The following CTNNA2 variants were observed in gnomAD, a reference collection of about 807,000 sequenced individuals.
CTNNA2 encodes the protein catenin alpha-2.
CTNNA2 carries 42 observed loss-of-function variants against 101.0 expected under a neutral mutation model. The observed-to-expected ratio is 0.42, with a 90% confidence interval of 0.32 to 0.54. CTNNA2 has a LOEUF of 0.54. CTNNA2 is among the 20% of genes least tolerant of loss of function. The probability of loss-of-function intolerance (pLI) is 0.14; values close to 1 mark genes in which losing one functional copy is unlikely to be tolerated. For missense variants in CTNNA2, 871 were observed against 1,223.1 expected (o/e 0.71, Z 4.29); for synonymous variants, 450 against 456.4 (o/e 0.99, Z 0.18).
chr2:80,237,413 C>T (rs545690508), intron 7 of CTNNA2, among the ~76,000 whole-genome samples: 9 of 152,154 alleles, frequency 5.9e-5, no homozygotes, highest in East Asian at 5.8e-4. Context: ...TTTCAACTTA[C>T]GATGGGTGTA....
At position 80,024,539 on chromosome 2, in the gene CTNNA2, A is replaced by G. The variant is rs538816836; in HGVS notation, c.1056+114742A>G. On this transcript the variant is annotated intron_variant, in intron 7 of 18. Coordinates refer to ENST00000402739, the MANE Select transcript of CTNNA2 (RefSeq NM_001282597.3). ...CTGAAGGCTCATTTGCTTAGCCTGC[A>G]GCTCTGAACCCCTCATGGGAGGGGA... Among the ~76,000 whole-genome samples the G allele has an allele frequency of 7.9e-5, 12 of 152,318 alleles. No individual in the cohort carries two copies. In the East Asian group the frequency reaches 2.3e-3, roughly 29 times the overall value.
intron 12 of CTNNA2, among the ~76,000 whole-genome samples, chr2:80,560,583 C>G (rs1033832713): frequency 2.0e-5 from 3 of 152,106 alleles, no homozygotes; most frequent in Non-Finnish European, 4.4e-5. Flanking sequence ...CCTGTATAAA[C>G]CCTCTGCACC....
chr2:79,536,944 C>T lies in CTNNA2; in HGVS notation c.-6+23737C>T, dbSNP rs187309263. 8.5e-5 allele frequency among the ~76,000 whole-genome samples: 13 copies of T among 152,192 alleles called. No homozygotes were observed. The East Asian group carries it at 1.7e-3, about 20-fold the overall frequency. The stretch of plus-strand genomic sequence containing the variant: ...CTCGAACTCCTGAGCTCGGACAATC[C>T]GCCCACCTCCGCCTCCCCATGGATT... On this transcript the variant is annotated intron_variant, in intron 1 of 18. Coordinates refer to ENST00000402739, the MANE Select transcript of CTNNA2 (RefSeq NM_001282597.3).
At chr2:80,121,445 A>G (rs530036833) in intron 7 of CTNNA2, among the ~76,000 whole-genome samples, 4 of 152,310 alleles carry the variant, frequency 2.6e-5, no homozygotes, top group Admixed American at 6.5e-5. Context: ...AATCTAAGAG[A>G]TTAGTATTAA....
chr2:79,640,072 G>A (rs889292544), intron 1 of CTNNA2, among the ~76,000 whole-genome samples: 1 of 152,028 alleles, frequency 6.6e-6, no homozygotes, highest in Non-Finnish European at 1.5e-5. Context: ...GAAGATCTCT[G>A]TTCCTGAATG....
rs565047909 is a variant in CTNNA2 at position 80,211,982 on chromosome 2, A to G, written c.1057-181229A>G. Among the ~76,000 whole-genome samples the G allele has an allele frequency of 8.5e-5, 13 of 152,146 alleles. No individual in the cohort carries two copies. In the South Asian group the frequency reaches 2.1e-3, roughly 24 times the overall value. ...GTATTTTATTCTCTTTGTAGCAATT[A>G]TGAATGGGAGTTCACTCATGATTTG... is the stretch of plus-strand genomic sequence containing the variant. On this transcript the variant is annotated intron_variant, in intron 7 of 18. Coordinates refer to ENST00000402739, the MANE Select transcript of CTNNA2 (RefSeq NM_001282597.3).
intron 2 of CTNNA2, among the ~76,000 whole-genome samples, chr2:79,228,802 G>A (rs1404895042): frequency 6.6e-6 from 1 of 151,846 alleles, no homozygotes; most frequent in African/African-American, 2.4e-5. Context: ...TTGCTTTTGA[G>A]GACTTAGCCA....
rs13423370 is a variant in CTNNA2, at chr2:79,580,411, A to G, written c.-6+67204A>G. Among the ~76,000 whole-genome samples, 674 of 152,314 alleles carry G rather than the reference A, an allele frequency of 4.4e-3. 10 individuals carry two copies. The highest frequency in any genetic ancestry group is 0.015 in the African/African-American group (638 of 41,570). On this transcript the variant is annotated intron_variant, in intron 1 of 18. Transcript: ENST00000402739. ...AATGACTCTTAGCTGACGGCCGGCA[A>G]GAAAATGCAAATAGTCCTACAACTT...
chr2:79,939,946 G>T (rs1424642287), intron 7 of CTNNA2, among the ~76,000 whole-genome samples: 1 of 152,116 alleles, frequency 6.6e-6, no homozygotes, highest in Admixed American at 6.5e-5. Context: ...TACAAAATTA[G>T]CTGGGCGTGG....
intron 9 of CTNNA2, among the ~76,000 whole-genome samples, chr2:80,523,185 A>G (rs1217021515): frequency 1.3e-5 from 2 of 152,192 alleles, no homozygotes; most frequent in East Asian, 1.9e-4. Flanking sequence ...AATGAAAAAA[A>G]CCACTTGTAG....
At chr2:80,442,745 A>G (rs940434730) in intron 9 of CTNNA2, among the ~76,000 whole-genome samples, 12 of 152,174 alleles carry the variant, frequency 7.9e-5, no homozygotes, top group African/African-American at 2.9e-4. Context: ...AAATATTTAA[A>G]CCACTTCCCC....
intron 6 of CTNNA2, among the ~76,000 whole-genome samples, chr2:79,884,355 A>T (rs577069394): frequency 6.6e-6 from 1 of 152,292 alleles, no homozygotes; most frequent in East Asian, 1.9e-4. Flanking sequence ...TATTTTCGTT[A>T]TCTTTTCTTT....
Position 79,427,687 on chromosome 2 carries a change from A to C in CTNNA2, c.-135+53674A>C, listed in dbSNP as rs1416252078. Among the ~76,000 whole-genome samples the C allele has an allele frequency of 2.0e-5, 3 of 150,906 alleles. No homozygotes were observed. The East Asian group carries it at 5.8e-4, about 29-fold the overall frequency. ...TTCAGGGAATTGAGTCTCTTTTTCAAATTTTTTCATAATATCCAGGGCATC... is the reference window on the plus strand; with the variant it reads ...TTCAGGGAATTGAGTCTCTTTTTCACATTTTTTCATAATATCCAGGGCATC... On this transcript the variant is annotated intron_variant, in intron 4 of 21. Coordinates refer to the CTNNA2 transcript ENST00000466387.
intron 2 of CTNNA2, among the ~76,000 whole-genome samples, chr2:79,680,910 G>C (rs1683519971): frequency 6.6e-6 from 1 of 152,142 alleles, no homozygotes; most frequent in African/African-American, 2.4e-5. Context: ...TGTGGAACTG[G>C]GACCTTAGCC....
intron 1 of CTNNA2, among the ~76,000 whole-genome samples, chr2:79,650,178 G>A (rs1388270223): frequency 2.8e-5 from 2 of 70,818 alleles, no homozygotes; most frequent in African/African-American, 1.5e-4. Flanking sequence ...TTTTTCGGGG[G>A]GGGGGGGGGA....
intron 7 of CTNNA2, among the ~76,000 whole-genome samples, chr2:80,010,721 T>C (rs907904610): frequency 3.3e-5 from 5 of 152,276 alleles, no homozygotes; most frequent in African/African-American, 1.2e-4. Flanking sequence ...ATTCACTTTT[T>C]TTTTTTCCAC....
intron 18 of CTNNA2, among the ~76,000 whole-genome samples, chr2:80,636,838 G>C (rs1246419195): frequency 6.6e-6 from 1 of 152,032 alleles, no homozygotes; most frequent in Non-Finnish European, 1.5e-5. Flanking sequence ...AATGTTCTTA[G>C]ATATTTTAGG....
At chr2:80,503,977 T>A (rs139128712) in intron 9 of CTNNA2, among the ~76,000 whole-genome samples, 1,603 of 152,278 alleles carry the variant, frequency 0.011, 29 homozygotes, top group African/African-American at 0.036. Flanking sequence ...CCATTGCTAT[T>A]TTTTGCAGAA....
At chr2:79,560,893 A>G (rs1406921734) in intron 1 of CTNNA2, among the ~76,000 whole-genome samples, 10 of 151,924 alleles carry the variant, frequency 6.6e-5, no homozygotes, top group Non-Finnish European at 1.2e-4. Flanking sequence ...TTTTTGTTCT[A>G]AATTGTATCA....
Sources: gnomAD v4.1 joint callset for allele counts (sites outside exome capture counted in the v4.1 genomes callset) on GRCh38, gnomAD v4.1.1 for gene constraint, MANE v1.5 for transcripts, NCBI Gene and HGNC (gene_info 2026-07-23, HGNC 2026-07-21) for gene names.